ADGRB3: variants seen among roughly 807,000 people sequenced by gnomAD.
ADGRB3 encodes the protein adhesion G protein-coupled receptor B3, also known as brain-specific angiogenesis inhibitor 3.
A neutral mutation model predicts 193.4 loss-of-function variants in ADGRB3; 37 were observed. That is an observed-to-expected ratio of 0.19 (90% confidence interval 0.15 to 0.25). The LOEUF (loss-of-function observed/expected upper bound fraction) is 0.25. Among genes scored for constraint, ADGRB3 ranks in the 10% least tolerant of loss-of-function variants. ADGRB3 has a pLI of 1.00. For missense variants in ADGRB3, 1,637 were observed against 1,852.9 expected (o/e 0.88, Z 2.14); for synonymous variants, 690 against 644.2 (o/e 1.07, Z -1.08).
intron 22 of ADGRB3, among the ~76,000 whole-genome samples, chr6:69,328,536 G>T (rs1343806857): frequency 6.6e-6 from 1 of 152,100 alleles, no homozygotes; most frequent in African/African-American, 2.4e-5. Context: ...AAGTTGAGGA[G>T]GCAGTTAAGA....
intron 17 of ADGRB3, among the ~76,000 whole-genome samples, chr6:69,180,890 A>G (rs1010788430): frequency 1.3e-5 from 2 of 152,212 alleles, no homozygotes; most frequent in African/African-American, 2.4e-5. Context: ...GGGATTAAAA[A>G]TGGCGTCCTG....
At chr6:69,332,288 A>C (rs1768748522) in intron 23 of ADGRB3, 3 of 985,184 alleles carry the variant, frequency 3.0e-6, no homozygotes, top group South Asian at 4.7e-5. Flanking sequence ...TCTTAGAAAG[A>C]AAATGATAGA....
intron 13 of ADGRB3, among the ~76,000 whole-genome samples, chr6:69,031,108 T>TCG (rs1770665433): frequency 2.8e-5 from 2 of 70,448 alleles, no homozygotes; most frequent in Non-Finnish European, 6.2e-5. Context: ...TCTCTTCTCT[T>TCG]CTCTTCTCTC....
chr6:68,750,833 C>T (rs1188602625), intron 3 of ADGRB3, among the ~76,000 whole-genome samples: 1 of 152,180 alleles, frequency 6.6e-6, no homozygotes, highest in East Asian at 1.9e-4. Context: ...AGTTATTAGC[C>T]TTTAATTCCT....
At chr6:69,328,880 T>A (rs895409239) in intron 22 of ADGRB3, among the ~76,000 whole-genome samples, 1 of 152,140 alleles carries the variant, frequency 6.6e-6, no homozygotes, top group Non-Finnish European at 1.5e-5. Context: ...ATACATCTAT[T>A]TTTGGAAAGT....
chr6:69,271,290 G>A (rs1767170078), intron 20 of ADGRB3, among the ~76,000 whole-genome samples: 1 of 152,088 alleles, frequency 6.6e-6, no homozygotes. Context: ...ATATTTTCAA[G>A]GCTCTATTTT....
intron 29 of ADGRB3, among the ~76,000 whole-genome samples, chr6:69,362,979 TG>T (rs1232224729): frequency 6.6e-6 from 1 of 152,028 alleles, no homozygotes; most frequent in African/African-American, 2.4e-5. Flanking sequence ...CTGTATAGTG[TG>T]GCTCTTTTAA....
rs554856435 is a variant in ADGRB3, at chr6:69,257,644, C to T, written c.2814+18418C>T. 1.1e-4 allele frequency among the ~76,000 whole-genome samples: 17 copies of T among 152,230 alleles called. No individual in the cohort carries two copies. In the East Asian group the frequency reaches 2.3e-3, roughly 21 times the overall value. ...AACTAAGAACAATTGGAAAAAAATACGTTACATGGATGGGGAAAAAAGTTA... is the reference window on the plus strand; with the variant it reads ...AACTAAGAACAATTGGAAAAAAATATGTTACATGGATGGGGAAAAAAGTTA... On this transcript the variant is annotated intron_variant, in intron 20 of 31. Coordinates refer to ENST00000370598, the MANE Select transcript of ADGRB3 (RefSeq NM_001704.3).
At chr6:68,935,432 A>G (rs919952361) in intron 4 of ADGRB3, among the ~76,000 whole-genome samples, 13 of 152,216 alleles carry the variant, frequency 8.5e-5, no homozygotes, top group Non-Finnish European at 1.5e-5. Context: ...TATCCTTTGA[A>G]TTCTATTCCA....
rs1263895983 is a variant in ADGRB3 at position 69,078,743 on chromosome 6, C to T, written c.2480+2705C>T. On this transcript the variant is annotated intron_variant, in intron 17 of 31. Transcript: ENST00000370598. The stretch of plus-strand genomic sequence containing the variant: ...TGCCCTGTTGTTCTCTTTATATAAC[C>T]CCGTTTGATACTTTCACAGCATGCA... Among the ~76,000 whole-genome samples, 3 of 151,908 alleles carry T rather than the reference C, an allele frequency of 2.0e-5. No homozygotes were observed. In the East Asian group the frequency reaches 5.8e-4, roughly 29 times the overall value.
chr6:68,852,564 G>C (rs1768426382), intron 3 of ADGRB3, among the ~76,000 whole-genome samples: 1 of 151,730 alleles, frequency 6.6e-6, no homozygotes, highest in Admixed American at 6.6e-5. Flanking sequence ...TATCCCAGAG[G>C]TAAACAAATG....
intron 30 of ADGRB3, among the ~76,000 whole-genome samples, chr6:69,382,078 C>G (rs779645413): frequency 2.6e-5 from 4 of 151,812 alleles, no homozygotes; most frequent in Non-Finnish European, 5.9e-5. Context: ...TTATTTGACT[C>G]CATTTGTTGA....
chr6:69,250,770 C>G lies in ADGRB3; in HGVS notation c.2814+11544C>G, dbSNP rs1766602041. ...CACTTCCTGGGCATGCACCACTTGTCAAGTTACTTAACCATTCTTCACTCA... is the reference window on the plus strand; with the variant it reads ...CACTTCCTGGGCATGCACCACTTGTGAAGTTACTTAACCATTCTTCACTCA... On this transcript the variant is annotated intron_variant, in intron 20 of 31. Transcript: ENST00000370598. 2.0e-5 allele frequency among the ~76,000 whole-genome samples: 3 copies of G among 152,198 alleles called. No individual in the cohort carries two copies. The South Asian group carries it at 6.2e-4, about 31-fold the overall frequency.
At chr6:69,172,643 C>CAAAAAAAAAAAAAAAAAAAAA (rs70987454) in intron 17 of ADGRB3, among the ~76,000 whole-genome samples, 12 of 26,834 alleles carry the variant, frequency 4.5e-4, no homozygotes, top group Non-Finnish European at 5.4e-4. Flanking sequence ...GACTCTGTCT[C>CAAAAAAAAAAAAAAAAAAAAA]AAAAAAAAAA....
intron 17 of ADGRB3, among the ~76,000 whole-genome samples, chr6:69,185,555 G>T (rs182067959): frequency 6.6e-6 from 1 of 152,036 alleles, no homozygotes; most frequent in Non-Finnish European, 1.5e-5. Flanking sequence ...ACCACTATTC[G>T]TACTGTATGC....
At chr6:69,375,207 G>A (rs1042901299) in intron 30 of ADGRB3, among the ~76,000 whole-genome samples, 1 of 152,074 alleles carries the variant, frequency 6.6e-6, no homozygotes, top group Non-Finnish European at 1.5e-5. Context: ...TGTTGTTGTT[G>A]CTGCTGTTGT....
chr6:69,069,350 A>T (rs141709525), intron 16 of ADGRB3, among the ~76,000 whole-genome samples: 1 of 151,854 alleles, frequency 6.6e-6, no homozygotes, highest in Non-Finnish European at 1.5e-5. Context: ...CTGATCAACT[A>T]TTAGCGGACT....
At chr6:68,959,508 G>A (rs1268122645) in intron 8 of ADGRB3, among the ~76,000 whole-genome samples, 1 of 151,862 alleles carries the variant, frequency 6.6e-6, no homozygotes, top group Non-Finnish European at 1.5e-5. Flanking sequence ...TTTACTAAGA[G>A]GCCTTTTGTT....
chr6:68,672,756 T>A (rs1428725759), intron 3 of ADGRB3, among the ~76,000 whole-genome samples: 1 of 152,030 alleles, frequency 6.6e-6, no homozygotes, highest in Non-Finnish European at 1.5e-5. Context: ...TGGGAAGGTA[T>A]TTTTTTAAAT....
Sources: gnomAD v4.1 joint callset for allele counts (sites outside exome capture counted in the v4.1 genomes callset) on GRCh38, gnomAD v4.1.1 for gene constraint, MANE v1.5 for transcripts, NCBI Gene and HGNC (gene_info 2026-07-23, HGNC 2026-07-21) for gene names.